Variants in GPC3 observed in about 807,000 individuals in gnomAD.
GPC3 encodes glypican 3, also known as glypican-3.
GPC3 carries 3 observed loss-of-function variants against 34.4 expected under a neutral mutation model. The observed-to-expected ratio is 0.09, with a 90% CI of 0.04 to 0.23. The LOEUF (loss-of-function observed/expected upper bound fraction) is 0.23, where lower values mean the gene tolerates loss of function less well. Among genes scored for constraint, GPC3 ranks in the 10% least tolerant of loss-of-function variants. GPC3 has a pLI of 1.00. For missense variants in GPC3, 351 were observed against 445.6 expected, an observed-to-expected ratio of 0.79 and a Z score of 1.91; for synonymous variants, 177 against 174.0, an observed-to-expected ratio of 1.02 and a Z score of -0.13.
chrX:133,825,543 T>C (rs1048841152), intron 2 of GPC3, among the ~76,000 whole-genome samples: 1 of 111,883 alleles, frequency 8.9e-6, no homozygotes. Flanking sequence ...TGGGAATTAG[T>C]CAAAGAGTAT....
intron 3 of GPC3, among the ~76,000 whole-genome samples, chrX:133,710,023 C>T (rs184569861): frequency 1.6e-4 from 18 of 111,897 alleles, no homozygotes; most frequent in African/African-American, 5.5e-4. Context: ...CCTCACCTTT[C>T]AGACATTTTG....
intron 2 of GPC3, among the ~76,000 whole-genome samples, chrX:133,779,415 A>G (rs1345759538): frequency 8.9e-6 from 1 of 111,824 alleles, no homozygotes; most frequent in Admixed American, 9.5e-5. Context: ...GTTCCTCCAC[A>G]TGCTAGTTGT....
intron 2 of GPC3, among the ~76,000 whole-genome samples, chrX:133,782,143 C>CAAT (rs1400395228): frequency 9.0e-6 from 1 of 111,136 alleles, no homozygotes; most frequent in Non-Finnish European, 1.9e-5. Flanking sequence ...CCAGGCATTC[C>CAAT]CTTCCATCTC....
chrX:133,661,297 C>A (rs1475131834), intron 6 of GPC3, among the ~76,000 whole-genome samples: 1 of 111,933 alleles, frequency 8.9e-6, no homozygotes, highest in Non-Finnish European at 1.9e-5. Context: ...TGGAAAAAGT[C>A]TGTGTGAGTG....
intron 7 of GPC3, among the ~76,000 whole-genome samples, chrX:133,566,502 A>G (rs1230796758): frequency 8.9e-6 from 1 of 111,775 alleles, no homozygotes; most frequent in Non-Finnish European, 1.9e-5. Context: ...TGGTGGTGAT[A>G]GAGAAGTCAA....
At chrX:133,807,377 A>G (rs759166489) in intron 2 of GPC3, among the ~76,000 whole-genome samples, 1 of 112,037 alleles carries the variant, frequency 8.9e-6, no homozygotes, top group African/African-American at 3.2e-5. Flanking sequence ...TTTCTTGTAT[A>G]ACCTGCAGAA....
intron 6 of GPC3, among the ~76,000 whole-genome samples, chrX:133,608,840 T>C (rs1253770368): frequency 1.8e-5 from 2 of 112,085 alleles, no homozygotes; most frequent in African/African-American, 3.2e-5. Context: ...ATTTGAAGAA[T>C]ATGAATTTTT....
chrX:133,839,510 T>C (rs912547299), intron 2 of GPC3, among the ~76,000 whole-genome samples: 1 of 111,592 alleles, frequency 9.0e-6, no homozygotes, highest in African/African-American at 3.3e-5. Context: ...GAAAAAAGTT[T>C]AAAGGACTCA....
intron 6 of GPC3, among the ~76,000 whole-genome samples, chrX:133,641,968 T>C (rs1309862692): frequency 8.9e-6 from 1 of 112,069 alleles, no homozygotes; most frequent in Non-Finnish European, 1.9e-5. Flanking sequence ...TCTTATTCTA[T>C]AGAGCCTGCA....
intron 3 of GPC3, among the ~76,000 whole-genome samples, chrX:133,741,553 G>A (rs757966178): frequency 1.8e-5 from 2 of 112,181 alleles, no homozygotes; most frequent in Non-Finnish European, 3.8e-5. Context: ...TTCTAAGACT[G>A]GGTCTGGTTC....
intron 3 of GPC3, among the ~76,000 whole-genome samples, chrX:133,718,915 A>G (rs2071337559): frequency 8.9e-6 from 1 of 111,959 alleles, no homozygotes; most frequent in East Asian, 2.8e-4. Flanking sequence ...AATTATCAAC[A>G]TATATGTACA....
At chrX:133,733,538 T>C (rs2071481854) in intron 3 of GPC3, among the ~76,000 whole-genome samples, 1 of 110,622 alleles carries the variant, frequency 9.0e-6, no homozygotes, top group South Asian at 3.8e-4. Flanking sequence ...AATAACAAAT[T>C]AGAGTGAAAA....
At chrX:133,879,605 G>T (rs2076032409) in intron 2 of GPC3, among the ~76,000 whole-genome samples, 1 of 110,642 alleles carries the variant, frequency 9.0e-6, no homozygotes, top group Non-Finnish European at 1.9e-5. Context: ...AGGAGTTCAA[G>T]ACCAGCCTTG....
intron 7 of GPC3, among the ~76,000 whole-genome samples, chrX:133,542,703 C>T: frequency 8.9e-6 from 1 of 112,138 alleles, no homozygotes; most frequent in East Asian, 2.8e-4. Context: ...TACAGTTGGC[C>T]TCCAAGACAT....
intron 2 of GPC3, among the ~76,000 whole-genome samples, chrX:133,926,442 T>C (rs984756021): frequency 3.6e-5 from 4 of 112,369 alleles, no homozygotes; most frequent in African/African-American, 9.7e-5. Flanking sequence ...CAGAATCTGA[T>C]GTTTTTCTAT....
At chrX:133,627,080 C>T (rs1267809751) in intron 6 of GPC3, among the ~76,000 whole-genome samples, 5 of 101,143 alleles carry the variant, frequency 4.9e-5, no homozygotes, top group Non-Finnish European at 2.0e-5. Context: ...AACCAAACAC[C>T]ACATGTTCTC....
At chrX:133,828,959 T>C (rs1395069789) in intron 2 of GPC3, among the ~76,000 whole-genome samples, 2 of 111,831 alleles carry the variant, frequency 1.8e-5, no homozygotes, top group Non-Finnish European at 3.8e-5. Context: ...CATAAATATA[T>C]ACAACATTTG....
intron 2 of GPC3, among the ~76,000 whole-genome samples, chrX:133,804,071 T>C (rs2075624138): frequency 9.1e-6 from 1 of 109,768 alleles, no homozygotes; most frequent in African/African-American, 3.3e-5. Flanking sequence ...ATCCAGAAGA[T>C]TGAAATGGAA....
At chrX:133,734,504 A>T (rs2071490949) in intron 3 of GPC3, among the ~76,000 whole-genome samples, 1 of 109,705 alleles carries the variant, frequency 9.1e-6, no homozygotes, top group Non-Finnish European at 1.9e-5. Flanking sequence ...CATTGTTGCT[A>T]GTTCTATTTG....
Sources: gnomAD v4.1 joint callset for allele counts (sites outside exome capture counted in the v4.1 genomes callset) on GRCh38, gnomAD v4.1.1 for gene constraint, MANE v1.5 for transcripts, NCBI Gene and HGNC (gene_info 2026-07-23, HGNC 2026-07-21) for gene names.